NT5C2: variants seen among roughly 807,000 people sequenced by gnomAD.
NT5C2 encodes the protein 5'-nucleotidase, cytosolic II.
A neutral mutation model predicts 76.1 loss-of-function variants in NT5C2; 58 were observed. That is an observed-to-expected ratio of 0.76 (90% confidence interval 0.62 to 0.95). NT5C2 has a LOEUF of 0.95. Ranked by LOEUF, NT5C2 falls within the 40% of genes least tolerant of loss-of-function variation. NT5C2 has a pLI of 0.00. For synonymous variants in NT5C2, 229 were observed against 237.4 expected (o/e 0.96, Z 0.32); for missense variants, 478 against 690.3 (o/e 0.69, Z 3.45).
At chr10:103,099,228 C>T (rs1244424331) in intron 9 of NT5C2, among the ~76,000 whole-genome samples, 1 of 152,206 alleles carries the variant, frequency 6.6e-6, no homozygotes, top group African/African-American at 2.4e-5. Flanking sequence ...TCCACACCAA[C>T]ATGCCTGGCT....
At chr10:103,117,309 T>C (rs1263112911) in intron 4 of NT5C2, among the ~76,000 whole-genome samples, 1 of 152,158 alleles carries the variant, frequency 6.6e-6, no homozygotes, top group Non-Finnish European at 1.5e-5. Context: ...AAAACAAACA[T>C]AATAGAACTT....
chr10:103,153,089 C>CA (rs2082680321), intron 3 of NT5C2, among the ~76,000 whole-genome samples: 2 of 152,174 alleles, frequency 1.3e-5, no homozygotes, highest in Admixed American at 1.3e-4. Context: ...TGCCCTTACT[C>CA]AGTGCTGTCT....
chr10:103,117,335 C>T (rs1247874172), intron 4 of NT5C2, among the ~76,000 whole-genome samples: 7 of 152,222 alleles, frequency 4.6e-5, no homozygotes, highest in African/African-American at 1.7e-4. Flanking sequence ...TCGAAATGAG[C>T]CTTCACCCAT....
intron 4 of NT5C2, among the ~76,000 whole-genome samples, chr10:103,110,721 A>C (rs777799333): frequency 3.3e-5 from 5 of 152,202 alleles, no homozygotes; most frequent in Non-Finnish European, 7.3e-5. Context: ...TTATGAGAAA[A>C]TGTCAGTTTT....
At chr10:103,163,668 T>C (rs2085527314) in intron 3 of NT5C2, among the ~76,000 whole-genome samples, 1 of 151,590 alleles carries the variant, frequency 6.6e-6, no homozygotes, top group South Asian at 2.1e-4. Context: ...TTATCGAATT[T>C]TTTTCAGTCT....
intron 3 of NT5C2, chr10:103,169,221 A>G (rs2087180369): frequency 6.6e-6 from 1 of 152,230 alleles, no homozygotes; most frequent in African/African-American, 2.4e-5. Flanking sequence ...CAACTTGTAC[A>G]CCATAAATAC....
intron 8 of NT5C2, 26 bp from the exon 9 acceptor site, chr10:103,100,045 CAG>C (rs768770324): frequency 1.3e-6 from 2 of 1,485,968 alleles, no homozygotes; most frequent in East Asian, 4.5e-5. Flanking sequence ...AATAACATGA[CAG>C]GGGATCCAAA....
At chr10:103,170,751 T>C (rs1292591357) in intron 3 of NT5C2, among the ~76,000 whole-genome samples, 1 of 152,006 alleles carries the variant, frequency 6.6e-6, no homozygotes, top group East Asian at 1.9e-4. Context: ...GGTCTCAAAC[T>C]CCTGAGCTCA....
chr10:103,175,407 C>A, intron 2 of NT5C2: 1 of 163,172 alleles, frequency 6.1e-6, no homozygotes, highest in Non-Finnish European at 1.3e-5. Context: ...GCAGGCACAG[C>A]TAGCGGGTTG....
chr10:103,135,940 A>G (rs1256850307), intron 4 of NT5C2, among the ~76,000 whole-genome samples: 1 of 151,310 alleles, frequency 6.6e-6, no homozygotes, highest in East Asian at 1.9e-4. Flanking sequence ...CAAAAAACTT[A>G]GCTGGGTGTG....
rs371982966 is a variant in NT5C2, at chr10:103,178,946, CTTTT to C, written c.-25+2235_-25+2238del. On this transcript the variant is annotated intron_variant, in intron 2 of 18. Transcript: ENST00000404739. ...TGTATTCCTCTACGTTTTCTTTTTT[CTTTT>C]TTTCTTTTTTTTTTTTGAGATAGAG... is the stretch of plus-strand genomic sequence containing the variant. 2.9e-4 allele frequency among the ~76,000 whole-genome samples: 39 copies of C among 136,198 alleles called. 1 individual carries two copies. The highest frequency in any genetic ancestry group is 9.8e-4 in the African/African-American group (36 of 36,556). 89.4% of individuals were successfully genotyped at this position (136,198 alleles called of 152,430 possible). A position where few individuals can be genotyped will look rare whatever the true frequency, so the allele number is the denominator to read the frequency against.
intron 1 of NT5C2, among the ~76,000 whole-genome samples, chr10:103,190,758 T>C (rs1402125692): frequency 1.3e-5 from 2 of 151,764 alleles, no homozygotes; most frequent in Non-Finnish European, 2.9e-5. Context: ...TTGTGATAGT[T>C]AGTATTTTGT....
chr10:103,168,421 C>G (rs2086942796), intron 3 of NT5C2, among the ~76,000 whole-genome samples: 1 of 152,180 alleles, frequency 6.6e-6, no homozygotes, highest in Admixed American at 6.5e-5. Context: ...ATGTAGAGAG[C>G]AGATGAAAAA....
chr10:103,104,908 A>G (rs2070801124), intron 6 of NT5C2, among the ~76,000 whole-genome samples: 1 of 152,194 alleles, frequency 6.6e-6, no homozygotes, highest in Non-Finnish European at 1.5e-5. Context: ...CACACATCCT[A>G]TTCTGGTTTT....
intron 14 of NT5C2, 99 bp from the exon 15 acceptor site, chr10:103,093,408 A>G: frequency 9.4e-7 from 1 of 1,067,354 alleles, no homozygotes; most frequent in Non-Finnish European, 1.3e-6. Flanking sequence ...TTTTATTCTT[A>G]TATGAGGAAC....
At chr10:103,093,392 G>C (rs1431752961) in intron 14 of NT5C2, 83 bp from the exon 15 acceptor site, 1 of 1,162,318 alleles carries the variant, frequency 8.6e-7, no homozygotes, top group South Asian at 2.0e-5. Flanking sequence ...TAAATACTAT[G>C]ATTCATTTTA....
chr10:103,109,522 A>G (rs1378938364), intron 4 of NT5C2, among the ~76,000 whole-genome samples: 1 of 152,222 alleles, frequency 6.6e-6, no homozygotes, highest in Non-Finnish European at 1.5e-5. Flanking sequence ...ACTGTATTTA[A>G]TGAAATAAAG....
At chr10:103,153,800 G>A in intron 3 of NT5C2, 1 of 968,738 alleles carries the variant, frequency 1.0e-6, no homozygotes, top group Middle Eastern at 5.3e-4. Flanking sequence ...TATTAGTGTA[G>A]TTATTTCCTC....
At chr10:103,114,261 A>G (rs963786752) in intron 4 of NT5C2, among the ~76,000 whole-genome samples, 3 of 152,068 alleles carry the variant, frequency 2.0e-5, no homozygotes, top group African/African-American at 7.2e-5. Flanking sequence ...AAAAAATACA[A>G]CAACAAAAAA....
Sources: gnomAD v4.1 joint callset for allele counts (sites outside exome capture counted in the v4.1 genomes callset) on GRCh38, gnomAD v4.1.1 for gene constraint, MANE v1.5 for transcripts, NCBI Gene and HGNC (gene_info 2026-07-23, HGNC 2026-07-21) for gene names.